ROR1: variants seen among roughly 807,000 people sequenced by gnomAD.
The protein encoded by ROR1 is ROR family WNT receptor 1, also known as inactive tyrosine-protein kinase transmembrane receptor ROR1.
A neutral mutation model predicts 78.8 loss-of-function variants in ROR1; 19 were observed. The ratio of observed to expected loss-of-function variants is 0.24; its 90% CI spans 0.17 to 0.35. The LOEUF is 0.35. ROR1 is among the 10% of genes least tolerant of loss of function. The pLI is 1.00. For missense variants in ROR1, 917 were observed against 1,177.8 expected, an observed-to-expected ratio of 0.78 and a Z score of 3.24; for synonymous variants, 386 against 433.6, an observed-to-expected ratio of 0.89 and a Z score of 1.36.
At chr1:63,914,940 G>A (rs1645597900) in intron 1 of ROR1, among the ~76,000 whole-genome samples, 1 of 152,176 alleles carries the variant, frequency 6.6e-6, no homozygotes, top group East Asian at 1.9e-4. Context: ...TGAGTTCACT[G>A]GCACAGGATC....
intron 4 of ROR1, among the ~76,000 whole-genome samples, chr1:64,112,546 C>A (rs1036355333): frequency 1.3e-5 from 2 of 152,086 alleles, no homozygotes; most frequent in African/African-American, 4.8e-5. Flanking sequence ...AATTGATACG[C>A]CCAGTGGTTT....
chr1:63,899,464 T>C (rs1645467635), intron 1 of ROR1, among the ~76,000 whole-genome samples: 1 of 152,130 alleles, frequency 6.6e-6, no homozygotes, highest in Non-Finnish European at 1.5e-5. Flanking sequence ...TTCAAAACGA[T>C]ATTAATATGC....
intron 4 of ROR1, among the ~76,000 whole-genome samples, chr1:64,116,988 G>A (rs1477427265): frequency 2.0e-5 from 3 of 152,142 alleles, no homozygotes; most frequent in Non-Finnish European, 2.9e-5. Context: ...CTTGAGGGAA[G>A]AAATCAAGTC....
intron 1 of ROR1, among the ~76,000 whole-genome samples, chr1:63,928,577 A>G (rs1442766977): frequency 6.6e-6 from 1 of 152,194 alleles, no homozygotes; most frequent in African/African-American, 2.4e-5. Flanking sequence ...ATGTGGTGAT[A>G]AGACTTAGCT....
chr1:63,891,281 G>A (rs1039271247), intron 1 of ROR1, among the ~76,000 whole-genome samples: 10 of 152,076 alleles, frequency 6.6e-5, no homozygotes, highest in East Asian at 1.9e-4. Context: ...TTCTCTTTTC[G>A]TTGTGGTAAA....
chr1:64,079,951 CT>C (rs1647087510), intron 4 of ROR1, among the ~76,000 whole-genome samples: 1 of 151,996 alleles, frequency 6.6e-6, no homozygotes, highest in Non-Finnish European at 1.5e-5. Flanking sequence ...GTATATAATA[CT>C]TACTATGGAG....
At chr1:64,133,488 G>A (rs12127800) in intron 4 of ROR1, among the ~76,000 whole-genome samples, 22,607 of 152,198 alleles carry the variant, frequency 0.15, 1,984 homozygotes, top group Middle Eastern at 0.21. Context: ...GGAGAAGGAG[G>A]AGACCCTGGA....
At chr1:64,104,721 C>T (rs944903759) in intron 4 of ROR1, among the ~76,000 whole-genome samples, 7 of 152,002 alleles carry the variant, frequency 4.6e-5, no homozygotes, top group Admixed American at 4.6e-4. Flanking sequence ...GTTTGGTTTT[C>T]TGTTCTTGTG....
intron 4 of ROR1, among the ~76,000 whole-genome samples, chr1:64,055,995 A>G (rs760399110): frequency 3.0e-4 from 45 of 152,342 alleles, no homozygotes; most frequent in Non-Finnish European, 2.5e-4. Flanking sequence ...CATATAAATT[A>G]TAGCATGCAT....
At chr1:63,906,554 G>C (rs1645530611) in intron 1 of ROR1, among the ~76,000 whole-genome samples, 1 of 152,160 alleles carries the variant, frequency 6.6e-6, no homozygotes, top group Non-Finnish European at 1.5e-5. Context: ...AAGCGCTGCA[G>C]TCTGCTCTTT....
intron 4 of ROR1, among the ~76,000 whole-genome samples, chr1:64,119,111 A>C (rs1380437465): frequency 1.3e-5 from 2 of 152,140 alleles, no homozygotes; most frequent in Admixed American, 6.6e-5. Context: ...CATTTCAATT[A>C]ATTTTTTTCA....
chr1:63,969,614 C>G (rs1404904916), intron 1 of ROR1, among the ~76,000 whole-genome samples: 2 of 152,044 alleles, frequency 1.3e-5, no homozygotes, highest in African/African-American at 4.8e-5. Context: ...CATGAATGGC[C>G]CCATTGTCCA....
intron 1 of ROR1, among the ~76,000 whole-genome samples, chr1:63,783,329 G>C (rs1171726169): frequency 6.6e-6 from 1 of 152,142 alleles, no homozygotes; most frequent in Non-Finnish European, 1.5e-5. Context: ...AAAGGTATAT[G>C]ATGGTGTCTT....
chr1:63,925,574 C>T (rs1233589936), intron 1 of ROR1, among the ~76,000 whole-genome samples: 1 of 151,998 alleles, frequency 6.6e-6, no homozygotes, highest in Non-Finnish European at 1.5e-5. Context: ...TTCTAGATCC[C>T]TGAGGAATCG....
chr1:64,178,055 G>C lies in ROR1; in HGVS notation c.2014G>C (p.Asp672His), dbSNP rs550656659. 1.5e-5 allele frequency: 24 copies of C among 1,614,158 alleles called. 1 individual carries two copies. In the African/African-American group the frequency reaches 3.2e-4, roughly 22 times the overall value. The change falls in exon 9 of 9, where the codon GAT becomes CAT. Residue 672 changes from aspartate (D) to histidine (H), a missense_variant. By Grantham distance (81) the Asp-to-His change is moderately conservative. Around this residue, in one of 3 missense-constraint regions of ROR1, gnomAD observed 835 missense variants for 1,069.8 expected, o/e 0.78. Transcript: ENST00000371079. This position sits in a 1 kb window ranked among gnomAD's most constrained non-coding sequence, Gnocchi z 4.3. Reference sequence around the variant, plus strand: ...CATCATGTATGGCAAATTCTCTTCTGATTCAGATATCTGGTCCTTTGGGGT... The same window carrying C: ...CATCATGTATGGCAAATTCTCTTCTCATTCAGATATCTGGTCCTTTGGGGT... ...EAIMYGKFSSDSDIWSFGVVL... is the reference protein window; with the variant it reads ...EAIMYGKFSSHSDIWSFGVVL...
At chr1:63,932,369 G>A (rs1006320626) in intron 1 of ROR1, among the ~76,000 whole-genome samples, 1 of 152,076 alleles carries the variant, frequency 6.6e-6, no homozygotes, top group African/African-American at 2.4e-5. Flanking sequence ...GGTGGAAAAT[G>A]AGGAAAAAAG....
intron 4 of ROR1, among the ~76,000 whole-genome samples, chr1:64,129,392 G>A (rs1387997060): frequency 1.3e-5 from 2 of 152,208 alleles, no homozygotes; most frequent in African/African-American, 4.8e-5. Context: ...ATTGGTATGT[G>A]TGAATTTCAT....
chr1:64,008,971 G>A (rs368314289), intron 1 of ROR1, among the ~76,000 whole-genome samples: 43 of 152,198 alleles, frequency 2.8e-4, no homozygotes, highest in African/African-American at 8.7e-4. Context: ...AGTATGAGAT[G>A]GCATCTCATT....
chr1:64,109,945 A>G (rs569917685), intron 4 of ROR1, among the ~76,000 whole-genome samples: 1 of 152,216 alleles, frequency 6.6e-6, no homozygotes, highest in South Asian at 2.1e-4. Context: ...CACAACTCAG[A>G]CCAGAGCTAA....
Sources: gnomAD v4.1 joint callset for allele counts (sites outside exome capture counted in the v4.1 genomes callset) on GRCh38, gnomAD v4.1.1 for gene constraint, gnomAD v4.1.1 regional missense constraint, Gnocchi (gnomAD v3.1) non-coding constraint, MANE v1.5 for transcripts, NCBI Gene and HGNC (gene_info 2026-07-23, HGNC 2026-07-21) for gene names.